The following TLN1 variants were observed in gnomAD, a reference collection of about 807,000 sequenced individuals.
TLN1 encodes the protein talin-1.
In TLN1, 56 loss-of-function variants were observed where a neutral mutation model predicts 292.3. That is an observed-to-expected ratio of 0.19 (90% confidence interval 0.15 to 0.24). The LOEUF (loss-of-function observed/expected upper bound fraction) is 0.24, where lower values mean the gene tolerates loss of function less well. Among genes scored for constraint, TLN1 ranks in the 10% least tolerant of loss-of-function variants. The pLI is 1.00. For synonymous variants in TLN1, 1,119 were observed against 1,253.7 expected (o/e 0.89, Z 2.27); for missense variants, 2,433 against 3,248.2 (o/e 0.75, Z 6.10).
At position 35,714,554 on chromosome 9, in the gene TLN1, G is replaced by A. The variant is rs373582273; in HGVS notation, c.2985+20C>T. 14 of 1,604,980 alleles carry A rather than the reference G, an allele frequency of 8.7e-6. No individual in the cohort carries two copies. Among genetic ancestry groups the A allele is most frequent in the East Asian group, 4.5e-5 (2 of 44,878 alleles). On this transcript the variant is annotated intron_variant, in intron 23 of 56. Transcript: ENST00000314888. The surrounding 1 kb of genome is among the most constrained non-coding windows in gnomAD (Gnocchi z 4.6). Reference sequence around the variant, plus strand: ...AAGGTGGGAAGGTCAGGTCAGAGAAGTGCAGAGGGGGTGCCTTGCCTGCAG... The same window carrying A: ...AAGGTGGGAAGGTCAGGTCAGAGAAATGCAGAGGGGGTGCCTTGCCTGCAG...
At position 35,711,695 on chromosome 9, in the gene TLN1, G is replaced by C. The variant is rs1259877136; in HGVS notation, c.3779C>G (p.Ser1260Cys). 2.5e-6 allele frequency: 4 copies of C among 1,614,196 alleles called. No homozygotes were observed. The highest frequency in any genetic ancestry group is 3.4e-6 in the Non-Finnish European group (4 of 1,180,044). The change falls in exon 29 of 57, where the codon TCT (serine) becomes TGT (cysteine). Residue 1260 changes from serine (S) to cysteine (C), a missense_variant. Physicochemically the swap from Ser to Cys is moderately radical, Grantham distance 112. This residue lies in a region of TLN1 where 1,384 missense variants were observed against 1,699.6 expected (regional missense o/e 0.81). Transcript: ENST00000314888. ...AGCCAGGTCCTGAGGGGTTCCCCGA[G>C]AGGCCTGCACCAGTTCTGTGGCTGC... ...NQAATELVQA[S>C]RGTPQDLARA...
intron 27 of TLN1, among the ~76,000 whole-genome samples, chr9:35,712,403 T>C (rs1020068628): frequency 7.9e-5 from 12 of 152,100 alleles, no homozygotes; most frequent in African/African-American, 1.7e-4. Context: ...CCCAGCACTA[T>C]GGGAGGCCGA....
In TLN1 at chr9:35,724,744, G is replaced by A. The variant is rs200652423; in HGVS notation, c.359-20C>T. 172 of 1,613,992 alleles carry A rather than the reference G, an allele frequency of 1.1e-4. No individual in the cohort carries two copies. The highest frequency in any genetic ancestry group is 8.3e-4 in the Admixed American group (50 of 59,974). ...TGATGCCTGAGGAAGGAGATGGCTT[G>A]TTAGCTTCCCAGGTACTGCATCCAT... On this transcript the variant is annotated intron_variant, in intron 4 of 56. Coordinates refer to ENST00000314888, the MANE Select transcript of TLN1 (RefSeq NM_006289.4). This position sits in a 1 kb window ranked among gnomAD's most constrained non-coding sequence, Gnocchi z 4.7.
chr9:35,697,645 G>C lies in TLN1; in HGVS notation c.*146C>G. 8.1e-7 allele frequency: 1 copy of C among 1,234,018 alleles called. No homozygotes were observed. Among genetic ancestry groups the C allele is most frequent in the African/African-American group, 1.5e-5 (1 of 66,202 alleles). The allele number at this position is 1,234,018 out of a possible 1,614,324, so 76.4% of individuals were successfully genotyped here. ...GGGAGGGGACAGGGGATGTACTGCGGGACTGGGCGGGGCCAGGCCCTGGGG... is the reference window on the plus strand; with the variant it reads ...GGGAGGGGACAGGGGATGTACTGCGCGACTGGGCGGGGCCAGGCCCTGGGG... On this transcript the variant is annotated 3_prime_UTR_variant, in exon 57 of 57. Coordinates refer to ENST00000314888, the MANE Select transcript of TLN1 (RefSeq NM_006289.4).
Position 35,698,841 on chromosome 9 carries a change from C to T in TLN1, c.7092G>A (p.Ser2364=), listed in dbSNP as rs752375103. The change falls in exon 53 of 57, where the codon TCG becomes TCA. Residue 2364 remains serine (S), a synonymous_variant. Coordinates refer to ENST00000314888, the MANE Select transcript of TLN1 (RefSeq NM_006289.4). This position sits in a 1 kb window ranked among gnomAD's most constrained non-coding sequence, Gnocchi z 5.3. The stretch of plus-strand genomic sequence containing the variant: ...GGGCCACTAGTTCTCTCTGGGCAGC[C>T]GACGCAGCCTTTACCAGTGCACTGG... ...AATSALVKAA[S]AAQRELVAQG... The T allele has an allele frequency of 1.4e-5, 22 of 1,614,026 alleles. No individual in the cohort carries two copies. Among genetic ancestry groups the T allele is most frequent in the African/African-American group, 5.3e-5 (4 of 74,934 alleles).
chr9:35,720,956 A>G lies in TLN1; in HGVS notation c.1105-43T>C, dbSNP rs375827629. ...GGACTCAGAGGGAAAGCTCAAATCT[A>G]TCCAGGATGGAAATGGCTAGGATGG... On this transcript the variant is annotated intron_variant, in intron 10 of 56. Transcript: ENST00000314888. 295 of 1,505,838 alleles carry G rather than the reference A, an allele frequency of 2.0e-4. No homozygotes were observed. In the African/African-American group the frequency reaches 3.1e-3, roughly 16 times the overall value. The allele number at this position is 1,505,838 out of a possible 1,614,324, so 93.3% of individuals were successfully genotyped here.
At position 35,711,382 on chromosome 9, in the gene TLN1, G is replaced by C. The variant is rs773678140; in HGVS notation, c.3892C>G (p.Arg1298Gly). Reference protein sequence around the residue: ...MAGQAPSQEDRAQVVSNLKGI... With the variant: ...MAGQAPSQEDGAQVVSNLKGI... The stretch of plus-strand genomic sequence containing the variant: ...TTCAAGTTGGACACAACTTGGGCTC[G>C]GTCCTCCTGGCTCTGTTGAAGGTGA... Residue 1298 changes from arginine to glycine, a missense_variant, in exon 30 of 57, where the codon CGA (arginine) becomes GGA (glycine). Around this residue, in one of 7 missense-constraint regions of TLN1, gnomAD observed 1,384 missense variants for 1,699.6 expected, o/e 0.81. Transcript: ENST00000314888. 1.9e-6 allele frequency: 3 copies of C among 1,614,180 alleles called. No individual in the cohort carries two copies. Among genetic ancestry groups the C allele is most frequent in the East Asian group, 2.2e-5 (1 of 44,890 alleles).
intron 3 of TLN1, 124 bp from the exon 4 acceptor site, chr9:35,725,083 AG>A (rs1825946377): frequency 6.4e-7 from 1 of 1,553,652 alleles, no homozygotes; most frequent in Non-Finnish European, 8.8e-7. Flanking sequence ...GTTCAAAAGC[AG>A]GGAATTATGA....
At chr9:35,730,861 A>G (rs1826065211) in intron 1 of TLN1, among the ~76,000 whole-genome samples, 1 of 152,150 alleles carries the variant, frequency 6.6e-6, no homozygotes, top group African/African-American at 2.4e-5. Context: ...CCCTTCTCCC[A>G]TGGCAACAGT....
chr9:35,714,797 G>C lies in TLN1; in HGVS notation c.2834C>G (p.Ser945Cys). The change falls in exon 22 of 57, where the codon TCT becomes TGT. Residue 945 changes from serine (S) to cysteine (C), a missense_variant. Transcript: ENST00000314888. This position sits in a 1 kb window ranked among gnomAD's most constrained non-coding sequence, Gnocchi z 4.6. Reference protein sequence around the residue: ...AQHAASTPKASAGPQPLLVQS... With the variant: ...AQHAASTPKACAGPQPLLVQS... ...CACCAGCAGGGGCTGGGGGCCGGCA[G>C]AGGCCTTGGGGGTAGAGGCTGCGTG... 6.3e-7 allele frequency: 1 copy of C among 1,582,964 alleles called. No homozygotes were observed. The highest frequency in any genetic ancestry group is 8.6e-7 in the Non-Finnish European group (1 of 1,164,204).
At chr9:35,720,613 G>T in intron 11 of TLN1, 104 bp from the exon 12 acceptor site, 2 of 1,181,092 alleles carry the variant, frequency 1.7e-6, no homozygotes, top group Non-Finnish European at 2.5e-6. Context: ...CAGAAGCTGA[G>T]TGTCCATTTC....
At position 35,697,415 on chromosome 9, in the gene TLN1, T is replaced by A. The variant is rs1185995045; in HGVS notation, c.*376A>T. 4.6e-6 allele frequency: 1 copy of A among 218,614 alleles called. No homozygotes were observed. Among genetic ancestry groups the A allele is most frequent in the Non-Finnish European group, 9.1e-6 (1 of 109,492 alleles). The allele number at this position is 218,614 out of a possible 1,614,324, so 13.5% of individuals were successfully genotyped here. Reference sequence around the variant, plus strand: ...TGCAGCCCCTATGGGTAGCTGGGGGTGGGGGAAGATAGTATCAAAAAACGG... The same window carrying A: ...TGCAGCCCCTATGGGTAGCTGGGGGAGGGGGAAGATAGTATCAAAAAACGG... On this transcript the variant is annotated 3_prime_UTR_variant, in exon 57 of 57. Coordinates refer to ENST00000314888, the MANE Select transcript of TLN1 (RefSeq NM_006289.4).
In TLN1 at chr9:35,700,070, G is replaced by A. The variant is rs1396549143; in HGVS notation, c.6672C>T (p.Tyr2224=). 6.2e-7 allele frequency: 1 copy of A among 1,611,820 alleles called. No homozygotes were observed. Among genetic ancestry groups the A allele is most frequent in the East Asian group, 2.2e-5 (1 of 44,808 alleles). ...GCACATCAGGGGCCACTTCTGGGTG[G>A]TAAGCTGCTTCCTGTCCCCAGAGTA... ...DMLRACKEAA[Y]HPEVAPDVRL... Residue 2224 remains tyrosine (Y), a synonymous_variant, in exon 50 of 57, where the codon TAC becomes TAT. Coordinates refer to ENST00000314888, the MANE Select transcript of TLN1 (RefSeq NM_006289.4).
chr9:35,717,328 T>C lies in TLN1; in HGVS notation c.2276A>G (p.Glu759Gly). Residue 759 changes from glutamate (E) to glycine (G), a missense_variant, in exon 19 of 57, where the codon GAG (glutamate) becomes GGG (glycine). Physicochemically the swap from Glu to Gly is moderately conservative, Grantham distance 98. This residue lies in a region of TLN1 where 617 missense variants were observed against 770.6 expected (regional missense o/e 0.80). Transcript: ENST00000314888. The surrounding 1 kb of genome is among the most constrained non-coding windows in gnomAD (Gnocchi z 4.7). ...GCVSASQAAT[E>G]DGQLLRGVGA... ...TACCCCTCGCAACAGTTGCCCATCC[T>C]CTGTAGCTGCCTGGGAGGCAGACAC... The C allele has an allele frequency of 6.2e-7, 1 of 1,614,168 alleles. No individual in the cohort carries two copies. Among genetic ancestry groups the C allele is most frequent in the Non-Finnish European group, 8.5e-7 (1 of 1,180,018 alleles).
chr9:35,720,355 C>T, intron 12 of TLN1, 78 bp downstream of exon 12: 1 of 1,559,512 alleles, frequency 6.4e-7, no homozygotes, highest in Non-Finnish European at 8.8e-7. Flanking sequence ...AAGGACTCCC[C>T]ACCTCCCAAG....
chr9:35,724,496 C>T lies in TLN1; in HGVS notation c.511+76G>A. On this transcript the variant is annotated intron_variant, in intron 5 of 56. Coordinates refer to ENST00000314888, the MANE Select transcript of TLN1 (RefSeq NM_006289.4). The surrounding 1 kb of genome is among the most constrained non-coding windows in gnomAD (Gnocchi z 4.7). Reference sequence around the variant, plus strand: ...TGTATCCCCAGGGTGTAAAACAGTGCCTGGCAGAAGCAGATGCTGAAGCCC... The same window carrying T: ...TGTATCCCCAGGGTGTAAAACAGTGTCTGGCAGAAGCAGATGCTGAAGCCC... 1 of 1,576,692 alleles carries T rather than the reference C, an allele frequency of 6.3e-7. No individual in the cohort carries two copies. Among genetic ancestry groups the T allele is most frequent in the Non-Finnish European group, 8.6e-7 (1 of 1,160,176 alleles).
rs1189398552 is a variant in TLN1 at position 35,706,811 on chromosome 9, G to A, written c.5045C>T (p.Ala1682Val). The A allele has an allele frequency of 3.1e-6, 5 of 1,614,030 alleles. No homozygotes were observed. Among genetic ancestry groups the A allele is most frequent in the Admixed American group, 1.7e-5 (1 of 60,024 alleles). Residue 1682 changes from alanine to valine, a missense_variant, in exon 38 of 57, where the codon GCA becomes GTA. Physicochemically the swap from Ala to Val is moderately conservative, Grantham distance 64. Coordinates refer to ENST00000314888, the MANE Select transcript of TLN1 (RefSeq NM_006289.4). The surrounding 1 kb of genome is among the most constrained non-coding windows in gnomAD (Gnocchi z 4.2). ...LRDLDQASLA[A>V]VSQQLAPREG... is the part of the protein sequence containing the mutation. ...ACGGGGAGCAAGCTGCTGGCTGACT[G>A]CAGCGAGGGAAGCCTGGTCTAGGTC...
At chr9:35,729,007 T>C (rs909742786) in intron 1 of TLN1, among the ~76,000 whole-genome samples, 4 of 152,184 alleles carry the variant, frequency 2.6e-5, no homozygotes, top group Admixed American at 1.3e-4. Flanking sequence ...ATGATAAGTA[T>C]CATTTGAAGC....
rs68036045 is a variant in TLN1, at chr9:35,710,222, C to CAAA, written c.4326+336_4326+338dup. ...TGGGCGACAGAGCGAAACGCTGTCT[C>CAAA]AAAAAAAAAAAAAAAAAAAAAGAAA... is the stretch of plus-strand genomic sequence containing the variant. On this transcript the variant is annotated intron_variant, in intron 33 of 56. Transcript: ENST00000314888. 2.2e-3 allele frequency among the ~76,000 whole-genome samples: 145 copies of CAAA among 67,072 alleles called. 2 individuals are homozygous for CAAA. The highest frequency in any genetic ancestry group is 0.015 in the East Asian group (37 of 2,536). 44.0% of individuals were successfully genotyped at this position (67,072 alleles called of 152,430 possible).
Sources: allele counts gnomAD v4.1 joint callset (sites outside exome capture counted in the v4.1 genomes callset), GRCh38; gene constraint gnomAD v4.1.1; regional missense constraint gnomAD v4.1.1; non-coding constraint Gnocchi (gnomAD v3.1); transcripts MANE v1.5; gene names NCBI Gene and HGNC (gene_info 2026-07-23, HGNC 2026-07-21).